MAPKAP1: variants seen among roughly 807,000 people sequenced by gnomAD.
MAPKAP1 encodes MAPK associated protein 1, also known as target of rapamycin complex 2 subunit MAPKAP1.
A neutral mutation model predicts 65.7 loss-of-function variants in MAPKAP1; 20 were observed. The ratio of observed to expected loss-of-function variants is 0.30; its 90% CI spans 0.21 to 0.44. MAPKAP1 has a LOEUF of 0.44. MAPKAP1 is among the 20% of genes least tolerant of loss of function. The probability of loss-of-function intolerance (pLI) is 1.00; values close to 1 mark genes in which losing one functional copy is unlikely to be tolerated. For missense variants in MAPKAP1, 423 were observed against 648.0 expected (o/e 0.65, Z 3.77); for synonymous variants, 222 against 244.3 (o/e 0.91, Z 0.85).
At chr9:125,451,422 C>T (rs943045380) in intron 10 of MAPKAP1, among the ~76,000 whole-genome samples, 6 of 152,194 alleles carry the variant, frequency 3.9e-5, no homozygotes, top group Non-Finnish European at 7.3e-5. Context: ...CCTCTAACTA[C>T]GTTTTTCCTG....
intron 1 of MAPKAP1, among the ~76,000 whole-genome samples, chr9:125,681,995 C>T (rs1834836477): frequency 6.6e-6 from 1 of 152,170 alleles, no homozygotes. Context: ...CTCCTGGGCT[C>T]AAGCGATACT....
intron 1 of MAPKAP1, among the ~76,000 whole-genome samples, chr9:125,685,985 T>C (rs1028318012): frequency 6.6e-6 from 1 of 152,188 alleles, no homozygotes; most frequent in African/African-American, 2.4e-5. Flanking sequence ...AACAGAGTAA[T>C]GTTTCCACTT....
intron 9 of MAPKAP1, among the ~76,000 whole-genome samples, chr9:125,470,699 G>A (rs1256845049): frequency 1.3e-5 from 2 of 152,212 alleles, no homozygotes; most frequent in African/African-American, 4.8e-5. Context: ...ACTGTTCACA[G>A]AGGGGCACCC....
At chr9:125,629,318 C>G (rs1299804708) in intron 4 of MAPKAP1, among the ~76,000 whole-genome samples, 17 of 152,110 alleles carry the variant, frequency 1.1e-4, no homozygotes, top group Admixed American at 1.1e-3. Context: ...TTCAGCACAC[C>G]ATTATTCACA....
At position 125,437,518 on chromosome 9, in the gene MAPKAP1, T is replaced by C. The variant is rs146764014; in HGVS notation, c.*1369A>G. ...AATATAAAATTGCTAAAAATTCAAA[T>C]ACAGATAGCAAGCTACAAATATTTC... On this transcript the variant is annotated 3_prime_UTR_variant, in exon 12 of 12. Transcript: ENST00000265960. The C allele has an allele frequency of 9.8e-5, 15 of 152,720 alleles. No homozygotes were observed. The East Asian group carries it at 2.9e-3, about 29-fold the overall frequency. The allele number at this position is 152,720 out of a possible 1,614,324, so 9.5% of individuals were successfully genotyped here.
At chr9:125,522,347 G>A (rs1408725874) in intron 7 of MAPKAP1, among the ~76,000 whole-genome samples, 4 of 152,108 alleles carry the variant, frequency 2.6e-5, no homozygotes, top group South Asian at 4.2e-4. Flanking sequence ...ACGACACTAC[G>A]ATTCACCCAA....
intron 1 of MAPKAP1, among the ~76,000 whole-genome samples, chr9:125,678,854 G>A (rs1376312009): frequency 2.0e-5 from 3 of 151,934 alleles, no homozygotes; most frequent in Non-Finnish European, 4.4e-5. Flanking sequence ...AAAAAACTGA[G>A]ACAATGAAAG....
intron 3 of MAPKAP1, among the ~76,000 whole-genome samples, chr9:125,668,932 C>T (rs1463128266): frequency 6.6e-6 from 1 of 152,160 alleles, no homozygotes; most frequent in Non-Finnish European, 1.5e-5. Context: ...GCCTATAATC[C>T]CAGCACTTTG....
intron 10 of MAPKAP1, among the ~76,000 whole-genome samples, chr9:125,460,226 T>C (rs751895311): frequency 6.6e-6 from 1 of 152,100 alleles, no homozygotes; most frequent in Non-Finnish European, 1.5e-5. Flanking sequence ...ACCTAGGCAA[T>C]TGTTTTGTTA....
At chr9:125,453,245 C>A (rs1853028261) in intron 10 of MAPKAP1, among the ~76,000 whole-genome samples, 1 of 152,184 alleles carries the variant, frequency 6.6e-6, no homozygotes, top group African/African-American at 2.4e-5. Flanking sequence ...TTAGTAGAGA[C>A]AATAGAGATG....
chr9:125,638,794 C>G (rs901077281), intron 4 of MAPKAP1, among the ~76,000 whole-genome samples: 1 of 152,202 alleles, frequency 6.6e-6, no homozygotes, highest in Non-Finnish European at 1.5e-5. Context: ...TCTCAAATGG[C>G]TACAGCTGCA....
At chr9:125,670,579 C>A (rs1834468123) in intron 2 of MAPKAP1, among the ~76,000 whole-genome samples, 2 of 152,172 alleles carry the variant, frequency 1.3e-5, no homozygotes, top group South Asian at 4.1e-4. Context: ...GTCACTAAGA[C>A]AACCTACAAT....
chr9:125,654,987 A>G (rs1833990062), intron 4 of MAPKAP1, among the ~76,000 whole-genome samples: 2 of 152,220 alleles, frequency 1.3e-5, no homozygotes, highest in South Asian at 4.1e-4. Flanking sequence ...TTTGCCCAAG[A>G]GACCTAAGCA....
chr9:125,559,339 T>G, intron 6 of MAPKAP1: 1 of 225,708 alleles, frequency 4.4e-6, no homozygotes, highest in Non-Finnish European at 8.7e-6. Context: ...CCTAGAAGTT[T>G]TGCTTCACAG....
Position 125,438,751 on chromosome 9 carries a change from A to G in MAPKAP1, c.*136T>C. 8.3e-7 allele frequency: 1 copy of G among 1,209,184 alleles called. No individual in the cohort carries two copies. Among genetic ancestry groups the G allele is most frequent in the Non-Finnish European group, 1.2e-6 (1 of 862,984 alleles). 74.9% of individuals were successfully genotyped at this position (1,209,184 alleles called of 1,614,324 possible). A position where few individuals can be genotyped will look rare whatever the true frequency, so the allele number is the denominator to read the frequency against. ...GGGGGCCCCCGACACCTTCCCCGAG[A>G]GCCCACCTGCCCTGTGCCAGTGAGC... On this transcript the variant is annotated 3_prime_UTR_variant, in exon 12 of 12. Transcript: ENST00000265960.
chr9:125,626,288 G>T (rs1325977744), intron 4 of MAPKAP1, among the ~76,000 whole-genome samples: 3 of 152,204 alleles, frequency 2.0e-5, no homozygotes. Flanking sequence ...CTCAGCAACT[G>T]CTTCTGTGTG....
chr9:125,686,304 T>C, intron 1 of MAPKAP1, among the ~76,000 whole-genome samples: 1 of 123,274 alleles, frequency 8.1e-6, no homozygotes, highest in African/African-American at 3.2e-5. Flanking sequence ...AGAATGAGAC[T>C]CTGTCTCAAA....
intron 10 of MAPKAP1, among the ~76,000 whole-genome samples, chr9:125,467,000 A>G (rs550367330): frequency 6.6e-6 from 1 of 152,340 alleles, no homozygotes; most frequent in South Asian, 2.1e-4. Flanking sequence ...TGAGTAAGTA[A>G]TTCCTTATAA....
chr9:125,491,371 G>A (rs1854718061), intron 8 of MAPKAP1, among the ~76,000 whole-genome samples: 1 of 151,948 alleles, frequency 6.6e-6, no homozygotes, highest in African/African-American at 2.4e-5. Flanking sequence ...AGCCCAGGAG[G>A]TTGAGGCTAC....
Sources: gnomAD v4.1 joint callset for allele counts (sites outside exome capture counted in the v4.1 genomes callset) on GRCh38, gnomAD v4.1.1 for gene constraint, MANE v1.5 for transcripts, NCBI Gene and HGNC (gene_info 2026-07-23, HGNC 2026-07-21) for gene names.